RALGPS1: variants seen among roughly 807,000 people sequenced by gnomAD.
RALGPS1 encodes ras-specific guanine nucleotide-releasing factor RalGPS1.
A neutral mutation model predicts 78.8 loss-of-function variants in RALGPS1; 19 were observed. The observed-to-expected ratio is 0.24, with a 90% CI of 0.17 to 0.35. The LOEUF (loss-of-function observed/expected upper bound fraction) is 0.35, where lower values mean the gene tolerates loss of function less well. RALGPS1 is among the 10% of genes least tolerant of loss of function. RALGPS1 has a pLI of 1.00. For synonymous variants in RALGPS1, 228 were observed against 256.3 expected, an observed-to-expected ratio of 0.89 and a Z score of 1.06; for missense variants, 454 against 688.3, an observed-to-expected ratio of 0.66 and a Z score of 3.81.
intron 5 of RALGPS1, among the ~76,000 whole-genome samples, chr9:127,035,964 TTGAC>T (rs1328112683): frequency 2.6e-5 from 4 of 152,122 alleles, no homozygotes; most frequent in African/African-American, 4.8e-5. Flanking sequence ...ACAAAACTAT[TTGAC>T]TGGGAGCCAA....
At chr9:126,981,936 G>C (rs1038578375) in intron 4 of RALGPS1, among the ~76,000 whole-genome samples, 2 of 152,166 alleles carry the variant, frequency 1.3e-5, no homozygotes, top group East Asian at 3.9e-4. Flanking sequence ...GTCATCTGAA[G>C]GCTTGAGTGG....
chr9:127,042,591 C>T (rs1285094854), intron 5 of RALGPS1, among the ~76,000 whole-genome samples: 3 of 152,162 alleles, frequency 2.0e-5, no homozygotes, highest in East Asian at 3.8e-4. Context: ...TGAATACTTT[C>T]CCCCTAAGAC....
At chr9:127,030,479 G>T (rs907495297) in intron 4 of RALGPS1, among the ~76,000 whole-genome samples, 1 of 152,070 alleles carries the variant, frequency 6.6e-6, no homozygotes, top group Non-Finnish European at 1.5e-5. Context: ...GTGAAGGGGC[G>T]CTAATTTCCT....
chr9:127,005,648 C>G (rs575033720), intron 4 of RALGPS1, among the ~76,000 whole-genome samples: 3 of 152,142 alleles, frequency 2.0e-5, no homozygotes, highest in Admixed American at 1.3e-4. Context: ...AAAGGATAAG[C>G]CTTGAAGTAC....
intron 4 of RALGPS1, chr9:127,016,845 T>G (rs1486393838): frequency 6.6e-6 from 1 of 152,210 alleles, no homozygotes; most frequent in Non-Finnish European, 1.5e-5. Flanking sequence ...GCTTCATGGT[T>G]TGTCTTTGGT....
At chr9:127,088,937 G>A in intron 8 of RALGPS1, 3 of 1,614,214 alleles carry the variant, frequency 1.9e-6, no homozygotes, top group South Asian at 1.1e-5. Flanking sequence ...GGGGGAGCTG[G>A]CTTAGTGGAA....
intron 4 of RALGPS1, 165 bp downstream of exon 4, chr9:126,977,910 C>T: frequency 2.0e-6 from 1 of 506,394 alleles, no homozygotes; most frequent in Non-Finnish European, 3.5e-6. Flanking sequence ...TTTTTGAGCC[C>T]AGTATTTGGA....
intron 7 of RALGPS1, among the ~76,000 whole-genome samples, chr9:127,060,925 T>C (rs755729275): frequency 3.3e-5 from 5 of 152,182 alleles, no homozygotes; most frequent in Non-Finnish European, 7.3e-5. Context: ...TTTATGATAA[T>C]AATATTTTGT....
At chr9:126,976,692 T>C (rs555589446) in intron 3 of RALGPS1, among the ~76,000 whole-genome samples, 1 of 152,328 alleles carries the variant, frequency 6.6e-6, no homozygotes, top group African/African-American at 2.4e-5. Flanking sequence ...TATCATGTCA[T>C]CCTGGATGGC....
At chr9:127,003,434 C>G (rs903219804) in intron 4 of RALGPS1, among the ~76,000 whole-genome samples, 16 of 151,862 alleles carry the variant, frequency 1.1e-4, no homozygotes, top group Non-Finnish European at 1.9e-4. Flanking sequence ...ATTTATGTAG[C>G]CAAAAAACAC....
chr9:127,150,514 ACAGCTGCAT>A (rs2058357096), intron 8 of RALGPS1, among the ~76,000 whole-genome samples: 3 of 152,146 alleles, frequency 2.0e-5, no homozygotes, highest in Admixed American at 2.0e-4. Flanking sequence ...CCCCACCCAC[ACAGCTGCAT>A]CAGGTGCAGC....
At chr9:127,115,442 A>G (rs2055302171) in intron 8 of RALGPS1, among the ~76,000 whole-genome samples, 1 of 152,178 alleles carries the variant, frequency 6.6e-6, no homozygotes, top group Non-Finnish European at 1.5e-5. Flanking sequence ...TTCACTCTCA[A>G]TATTGTCCTG....
At chr9:127,167,751 C>T (rs534494583) in intron 9 of RALGPS1, among the ~76,000 whole-genome samples, 9 of 152,342 alleles carry the variant, frequency 5.9e-5, no homozygotes, top group African/African-American at 1.2e-4. Flanking sequence ...TGCACCTGGA[C>T]GCACCTCTCC....
intron 8 of RALGPS1, among the ~76,000 whole-genome samples, chr9:127,107,507 A>AC (rs1412930929): frequency 6.6e-6 from 1 of 152,042 alleles, no homozygotes; most frequent in Non-Finnish European, 1.5e-5. Context: ...CTTTTGGCCC[A>AC]TTGTTTATTT....
chr9:127,001,052 G>T (rs569693124), intron 4 of RALGPS1, among the ~76,000 whole-genome samples: 6 of 150,504 alleles, frequency 4.0e-5, no homozygotes, highest in African/African-American at 1.5e-4. Flanking sequence ...AGGTGGGTGG[G>T]TTGCTTGAGC....
chr9:127,139,597 C>A (rs188315604), intron 8 of RALGPS1, among the ~76,000 whole-genome samples: 2 of 152,368 alleles, frequency 1.3e-5, no homozygotes, highest in Admixed American at 1.3e-4. Context: ...GGAGGAGAAG[C>A]AGAACCCTCC....
intron 14 of RALGPS1, among the ~76,000 whole-genome samples, chr9:127,209,813 T>G (rs2062141033): frequency 6.6e-6 from 1 of 152,158 alleles, no homozygotes; most frequent in Non-Finnish European, 1.5e-5. Flanking sequence ...CAGGTACTGA[T>G]GTCACAGAGC....
chr9:127,107,644 C>G (rs2054347366), intron 8 of RALGPS1, among the ~76,000 whole-genome samples: 1 of 152,172 alleles, frequency 6.6e-6, no homozygotes, highest in Non-Finnish European at 1.5e-5. Context: ...GCTCTGGGTT[C>G]TTTCCTGTCA....
At chr9:127,014,663 C>T (rs965586369) in intron 4 of RALGPS1, among the ~76,000 whole-genome samples, 8 of 152,154 alleles carry the variant, frequency 5.3e-5, no homozygotes, top group South Asian at 2.1e-4. Flanking sequence ...ATACTGAATT[C>T]GGCTGGACAC....
Sources: gnomAD v4.1 joint callset for allele counts (sites outside exome capture counted in the v4.1 genomes callset) on GRCh38, gnomAD v4.1.1 for gene constraint, MANE v1.5 for transcripts, NCBI Gene and HGNC (gene_info 2026-07-23, HGNC 2026-07-21) for gene names.